RPL26: variants seen among roughly 807,000 people sequenced by gnomAD.
RPL26 encodes the protein ribosomal protein L26.
Under a neutral mutation model 16.2 loss-of-function variants are expected in RPL26, and 1 was observed. The observed-to-expected ratio is 0.06, with a 90% CI of 0.02 to 0.29. RPL26 has a LOEUF of 0.29. RPL26 is among the 10% of genes least tolerant of loss of function. The pLI is 1.00. For synonymous variants in RPL26, 55 were observed against 62.4 expected (o/e 0.88, Z 0.56); for missense variants, 102 against 184.3 (o/e 0.55, Z 2.58).
intron 2 of RPL26, chr17:8,381,892 G>T: frequency 3.0e-6 from 1 of 337,952 alleles, no homozygotes; most frequent in Non-Finnish European, 5.4e-6. Context: ...TGGCACCACT[G>T]CACTCCAGCC....
intron 3 of RPL26, among the ~76,000 whole-genome samples, chr17:8,378,261 G>C (rs1007956304): frequency 2.0e-5 from 3 of 152,124 alleles, no homozygotes; most frequent in Non-Finnish European, 2.9e-5. Context: ...AACCCTGGGG[G>C]GGCGGAGGCT....
At chr17:8,378,526 TAATAA>T (rs1416260749) in intron 3 of RPL26, among the ~76,000 whole-genome samples, 2 of 142,362 alleles carry the variant, frequency 1.4e-5, no homozygotes, top group Non-Finnish European at 3.2e-5. Context: ...AACAGAAAAA[TAATAA>T]AGTAACTTCA....
rs1006195436 is a variant in RPL26 at position 8,379,610 on chromosome 17, T to C, written c.309+186A>G. On this transcript the variant is annotated intron_variant, in intron 3 of 3. Transcript: ENST00000648839. ...CAGAAACATAATGACCGTTAACACT[T>C]TGATGTCAGAAACATTTTAAATGGT... The C allele has an allele frequency of 1.2e-5, 7 of 603,684 alleles. No individual in the cohort carries two copies. The East Asian group carries it at 1.7e-4, about 15-fold the overall frequency. 37.4% of individuals were successfully genotyped at this position (603,684 alleles called of 1,614,324 possible).
chr17:8,377,859 C>A (rs774482374), intron 3 of RPL26, 167 bp from the exon 4 acceptor site: 1 of 556,466 alleles, frequency 1.8e-6, no homozygotes, highest in Middle Eastern at 4.3e-4. Context: ...AGCCATCAAA[C>A]CTGGCTTATT....
intron 1 of RPL26, 193 bp from the exon 2 acceptor site, chr17:8,382,508 C>T: frequency 1.9e-6 from 1 of 539,890 alleles, no homozygotes. Context: ...TTGTTTTATT[C>T]GGGTGTTTTC....
At position 8,381,764 on chromosome 17, in the gene RPL26, C is replaced by T. The variant is rs142105399; in HGVS notation, c.168+379G>A. On this transcript the variant is annotated intron_variant, in intron 2 of 3. Transcript: ENST00000648839. ...CCAACATGGTGAAACCCCGCCTCTA[C>T]TAAAAACACAAAAATTAGCCGAGCC... 740 of 226,002 alleles carry T rather than the reference C, an allele frequency of 3.3e-3. 3 individuals are homozygous for T. The highest frequency in any genetic ancestry group is 0.014 in the Middle Eastern group (8 of 592). 14.0% of individuals were successfully genotyped at this position (226,002 alleles called of 1,614,324 possible). A position where few individuals can be genotyped will look rare whatever the true frequency, so the allele number is the denominator to read the frequency against.
chr17:8,378,558 A>T (rs1238560947), intron 3 of RPL26, among the ~76,000 whole-genome samples: 2 of 152,200 alleles, frequency 1.3e-5, no homozygotes, highest in Admixed American at 1.3e-4. Flanking sequence ...TAATGCTAGA[A>T]ATTAAAGGTA....
rs1240912998 is a variant in RPL26, at chr17:8,383,172, T to C, written c.-21A>G. On this transcript the variant is annotated 5_prime_UTR_variant, in exon 1 of 4. Coordinates refer to ENST00000648839, the MANE Select transcript of RPL26 (RefSeq NM_000987.5). Reference sequence around the variant, plus strand: ...GAATCCTTACCCGCTCCCGCTTCGGTGATGGCCGCAAAAGGGAAGAGAACT... The same window carrying C: ...GAATCCTTACCCGCTCCCGCTTCGGCGATGGCCGCAAAAGGGAAGAGAACT... 7.5e-6 allele frequency: 3 copies of C among 398,412 alleles called. No individual in the cohort carries two copies. The highest frequency in any genetic ancestry group is 1.3e-4 in the South Asian group (1 of 7,856). 24.7% of individuals were successfully genotyped at this position (398,412 alleles called of 1,614,324 possible). A position where few individuals can be genotyped will look rare whatever the true frequency, so the allele number is the denominator to read the frequency against.
chr17:8,382,372 C>A, intron 1 of RPL26, 57 bp from the exon 2 acceptor site: 2 of 1,205,854 alleles, frequency 1.7e-6, no homozygotes, highest in South Asian at 1.3e-5. Flanking sequence ...AGCTTCCAAA[C>A]AAATAACCGC....
chr17:8,382,017 C>G, intron 2 of RPL26, 126 bp downstream of exon 2: 1 of 774,604 alleles, frequency 1.3e-6, no homozygotes, highest in East Asian at 2.7e-5. Context: ...GTCCCTGGCT[C>G]AACTCATCTT....
In RPL26 at chr17:8,382,048, G is replaced by A. The variant is rs79707806; in HGVS notation, c.168+95C>T. On this transcript the variant is annotated intron_variant, in intron 2 of 3. Transcript: ENST00000648839. ...ATCTTGCCACTCTTTGGGAGCAAGA[G>A]TCTCAGAAGCATCTTTCTCAGGAAT... is the stretch of plus-strand genomic sequence containing the variant. 69 of 1,106,784 alleles carry A rather than the reference G, an allele frequency of 6.2e-5. No individual in the cohort carries two copies. In the African/African-American group the frequency reaches 9.9e-4, roughly 16 times the overall value. The allele number at this position is 1,106,784 out of a possible 1,614,324, so 68.6% of individuals were successfully genotyped here.
In RPL26 at chr17:8,381,163, T is replaced by C. The variant is rs776151551; in HGVS notation, c.168+980A>G. 2.0e-5 allele frequency: 3 copies of C among 152,042 alleles called. No homozygotes were observed. The East Asian group carries it at 5.8e-4, about 29-fold the overall frequency. The allele number at this position is 152,042 out of a possible 1,614,324, so 9.4% of individuals were successfully genotyped here. A position where few individuals can be genotyped will look rare whatever the true frequency, so the allele number is the denominator to read the frequency against. ...AAGACAGCTTCAACTCCCTATGCCT[T>C]CATCTCTGATACGACCTGTCAACAC... On this transcript the variant is annotated intron_variant, in intron 2 of 3. Transcript: ENST00000648839.
At chr17:8,382,718 C>T (rs1907481562) in intron 1 of RPL26, 1 of 307,526 alleles carries the variant, frequency 3.3e-6, no homozygotes, top group Admixed American at 5.0e-5. Flanking sequence ...CGTTCATCTT[C>T]TACAGGCTTA....
intron 2 of RPL26, chr17:8,380,180 G>C: frequency 4.8e-6 from 2 of 420,286 alleles, no homozygotes; most frequent in Non-Finnish European, 8.4e-6. Flanking sequence ...GCTAGTCAGA[G>C]GGCAGCAACA....
intron 3 of RPL26, 76 bp from the exon 4 acceptor site, chr17:8,377,768 T>C (rs1401094658): frequency 1.4e-6 from 2 of 1,398,992 alleles, no homozygotes; most frequent in African/African-American, 1.4e-5. Context: ...CAACATTCAA[T>C]ACCATTTCCC....
intron 2 of RPL26, 172 bp from the exon 3 acceptor site, chr17:8,380,108 C>G: frequency 1.7e-6 from 1 of 585,640 alleles, no homozygotes; most frequent in Non-Finnish European, 3.0e-6. Context: ...GTTACTCCAT[C>G]TCAAAAGCAG....
At chr17:8,379,494 C>A in intron 3 of RPL26, 1 of 496,662 alleles carries the variant, frequency 2.0e-6, no homozygotes, top group East Asian at 3.3e-5. Context: ...GAATCGCTTG[C>A]ACTTGGGAGG....
At chr17:8,382,375 A>G in intron 1 of RPL26, 60 bp from the exon 2 acceptor site, 3 of 1,201,894 alleles carry the variant, frequency 2.5e-6, no homozygotes, top group Non-Finnish European at 3.6e-6. Flanking sequence ...TTCCAAACAA[A>G]TAACCGCAAT....
At position 8,379,750 on chromosome 17, in the gene RPL26, T is replaced by C. The variant is rs535027033; in HGVS notation, c.309+46A>G. On this transcript the variant is annotated intron_variant, in intron 3 of 3. Transcript: ENST00000648839. ...GCTCTGTAAACAATCATGTCAACAA[T>C]AATTGCCATAATTTCCTTCTCTCAA... 54 of 1,569,490 alleles carry C rather than the reference T, an allele frequency of 3.4e-5. 1 individual carries two copies. In the South Asian group the frequency reaches 5.3e-4, roughly 15 times the overall value.
Sources: allele counts gnomAD v4.1 joint callset (sites outside exome capture counted in the v4.1 genomes callset), GRCh38; gene constraint gnomAD v4.1.1; transcripts MANE v1.5; gene names NCBI Gene and HGNC (gene_info 2026-07-23, HGNC 2026-07-21).